Variants in CDCA8 observed in about 807,000 individuals in gnomAD.
CDCA8 encodes the protein borealin.
CDCA8 carries 25 observed loss-of-function variants against 40.0 expected under a neutral mutation model. The observed-to-expected ratio is 0.63, with a 90% confidence interval of 0.46 to 0.87. CDCA8 has a LOEUF of 0.87. CDCA8 is among the 40% of genes least tolerant of loss of function. CDCA8 has a pLI of 0.00. For missense variants in CDCA8, 280 were observed against 348.4 expected, an observed-to-expected ratio of 0.80 and a Z score of 1.56; for synonymous variants, 111 against 126.5, an observed-to-expected ratio of 0.88 and a Z score of 0.82.
chr1:37,700,248 A>G (rs934479794), intron 4 of CDCA8, among the ~76,000 whole-genome samples, 188 bp from the exon 5 acceptor site: 6 of 152,202 alleles, frequency 3.9e-5, no homozygotes, highest in African/African-American at 1.4e-4. Context: ...AAAGCATCAT[A>G]TGGGGTCTCT....
rs1247596069 is a variant in CDCA8 at position 37,700,480 on chromosome 1, G to A, written c.382G>A (p.Glu128Lys). The change falls in exon 5 of 10, where the codon GAA (glutamate) becomes AAA (lysine). Residue 128 changes from glutamate (E) to lysine (K), a missense_variant. By Grantham distance (56) the Glu-to-Lys change is moderately conservative. Transcript: ENST00000373055. ...QVDEMIVEEE[E>K]EEENERKNLQ... ...AGATGAAATGATAGTGGAAGAGGAA[G>A]AAGAAGAAGAAAATGAACGTAAGAA... 1 of 1,611,606 alleles carries A rather than the reference G, an allele frequency of 6.2e-7. No individual in the cohort carries two copies. Among genetic ancestry groups the A allele is most frequent in the East Asian group, 2.2e-5 (1 of 44,864 alleles).
At chr1:37,693,416 TCTCA>T (rs1303423020) in intron 2 of CDCA8, among the ~76,000 whole-genome samples, 2 of 152,066 alleles carry the variant, frequency 1.3e-5, no homozygotes. Flanking sequence ...TTAAACAGAG[TCTCA>T]CTCTGTCACC....
chr1:37,708,520 A>G lies in CDCA8; in HGVS notation c.*154A>G, dbSNP rs1486561838. On this transcript the variant is annotated 3_prime_UTR_variant, in exon 10 of 10. Coordinates refer to ENST00000373055, the MANE Select transcript of CDCA8 (RefSeq NM_001256875.2). Reference sequence around the variant, plus strand: ...AGGAATTCAGACGTGCTAGTCCCACACCAGTTAGGTAGAGCTGTCTGTTCA... The same window carrying G: ...AGGAATTCAGACGTGCTAGTCCCACGCCAGTTAGGTAGAGCTGTCTGTTCA... The G allele has an allele frequency of 4.3e-6, 3 of 691,258 alleles. No individual in the cohort carries two copies. The highest frequency in any genetic ancestry group is 4.4e-5 in the Admixed American group (2 of 45,670). The allele number at this position is 691,258 out of a possible 1,614,324, so 42.8% of individuals were successfully genotyped here. A position where few individuals can be genotyped will look rare whatever the true frequency, so the allele number is the denominator to read the frequency against.
At chr1:37,705,264 G>T (rs1225827665) in intron 7 of CDCA8, among the ~76,000 whole-genome samples, 177 bp from the exon 8 acceptor site, 1 of 152,126 alleles carries the variant, frequency 6.6e-6, no homozygotes. Flanking sequence ...TCTTTCTCCA[G>T]CTGTGTTTAG....
chr1:37,706,883 C>T, intron 8 of CDCA8, 95 bp from the exon 9 acceptor site: 1 of 879,676 alleles, frequency 1.1e-6, no homozygotes, highest in Non-Finnish European at 1.9e-6. Context: ...TCCATCCCAG[C>T]CATTCCCCAC....
chr1:37,706,139 ACT>A (rs1171646827), intron 8 of CDCA8, among the ~76,000 whole-genome samples: 1 of 96,816 alleles, frequency 1.0e-5, no homozygotes, highest in East Asian at 2.8e-4. Context: ...ATGGAGTCTC[ACT>A]CTGTCGCCCA....
intron 4 of CDCA8, among the ~76,000 whole-genome samples, 163 bp downstream of exon 4, chr1:37,699,140 A>G (rs1168256003): frequency 6.6e-6 from 1 of 152,008 alleles, no homozygotes; most frequent in Admixed American, 6.6e-5. Context: ...CATTTAGTTA[A>G]TTTTTTTTCC....
At chr1:37,704,047 G>C (rs973503013) in intron 7 of CDCA8, among the ~76,000 whole-genome samples, 3 of 151,872 alleles carry the variant, frequency 2.0e-5, no homozygotes, top group Non-Finnish European at 4.4e-5. Flanking sequence ...TTGACTTCCC[G>C]GGCTCAAGTG....
rs760753140 is a variant in CDCA8 at position 37,705,583 on chromosome 1, G to A, written c.711+16G>A. 2.5e-6 allele frequency: 4 copies of A among 1,611,886 alleles called. No individual in the cohort carries two copies. The highest frequency in any genetic ancestry group is 2.2e-5 in the East Asian group (1 of 44,870). Reference sequence around the variant, plus strand: ...CGGCGGAGAGGTGAAGTATTTCCAAGGGAAGCCAGGCCACAGTGTGCTGCT... The same window carrying A: ...CGGCGGAGAGGTGAAGTATTTCCAAAGGAAGCCAGGCCACAGTGTGCTGCT... On this transcript the variant is annotated intron_variant, in intron 8 of 9. Coordinates refer to ENST00000373055, the MANE Select transcript of CDCA8 (RefSeq NM_001256875.2).
intron 6 of CDCA8, among the ~76,000 whole-genome samples, chr1:37,702,149 T>C (rs2148288932): frequency 6.6e-6 from 1 of 151,360 alleles, no homozygotes; most frequent in Admixed American, 6.6e-5. Context: ...CAAATGATTC[T>C]CCTGCCTCAG....
chr1:37,694,282 T>A (rs544016272), intron 2 of CDCA8, among the ~76,000 whole-genome samples: 8 of 152,364 alleles, frequency 5.3e-5, no homozygotes, highest in Admixed American at 3.9e-4. Context: ...TTATTAACTA[T>A]CCAGCATGTA....
At position 37,695,018 on chromosome 1, in the gene CDCA8, T is replaced by C. The variant is rs946353231; in HGVS notation, c.224-892T>C. Reference sequence around the variant, plus strand: ...GAGTAGTTATTGGGTATAATGAGGGTGAGCAACTAACTCTACACTTTGCAG... The same window carrying C: ...GAGTAGTTATTGGGTATAATGAGGGCGAGCAACTAACTCTACACTTTGCAG... On this transcript the variant is annotated intron_variant, in intron 2 of 9. Coordinates refer to ENST00000373055, the MANE Select transcript of CDCA8 (RefSeq NM_001256875.2). 3.9e-5 allele frequency among the ~76,000 whole-genome samples: 6 copies of C among 152,030 alleles called. No individual in the cohort carries two copies. In the South Asian group the frequency reaches 1.2e-3, roughly 32 times the overall value.
Position 37,708,510 on chromosome 1 carries a change from C to T in CDCA8, c.*144C>T. 1 of 766,704 alleles carries T rather than the reference C, an allele frequency of 1.3e-6. No homozygotes were observed. The highest frequency in any genetic ancestry group is 2.3e-6 in the Non-Finnish European group (1 of 442,868). The allele number at this position is 766,704 out of a possible 1,614,324, so 47.5% of individuals were successfully genotyped here. On this transcript the variant is annotated 3_prime_UTR_variant, in exon 10 of 10. Coordinates refer to ENST00000373055, the MANE Select transcript of CDCA8 (RefSeq NM_001256875.2). The stretch of plus-strand genomic sequence containing the variant: ...AAGGGAATTCAGGAATTCAGACGTG[C>T]TAGTCCCACACCAGTTAGGTAGAGC...
Position 37,703,293 on chromosome 1 carries a change from T to G in CDCA8, c.530T>G (p.Leu177Trp), listed in dbSNP as rs140856315. Residue 177 changes from leucine (L) to tryptophan (W), a missense_variant, in exon 7 of 10, where the codon TTG becomes TGG. Transcript: ENST00000373055. ...ANTVTPAVGRLEVSMVKPTPG... is the reference protein window; with the variant it reads ...ANTVTPAVGRWEVSMVKPTPG... ...ACTGTTACCCCAGCCGTGGGCCGAT[T>G]GGAGGTGTCCATGGTCAAACCAACT... 2.8e-4 allele frequency: 448 copies of G among 1,613,956 alleles called. 1 individual carries two copies. The highest frequency in any genetic ancestry group is 3.6e-4 in the Non-Finnish European group (425 of 1,180,020).
intron 7 of CDCA8, among the ~76,000 whole-genome samples, chr1:37,704,990 G>GT (rs1180545907): frequency 3.9e-5 from 6 of 152,150 alleles, no homozygotes; most frequent in African/African-American, 1.4e-4. Context: ...ACATGAATAT[G>GT]TAACAAAAGG....
intron 7 of CDCA8, among the ~76,000 whole-genome samples, chr1:37,705,007 G>A (rs1472724925): frequency 6.6e-6 from 1 of 152,118 alleles, no homozygotes; most frequent in East Asian, 1.9e-4. Context: ...AAGGCATTTA[G>A]GGAAAACTAG....
chr1:37,701,970 G>A, intron 6 of CDCA8, 152 bp downstream of exon 6: 1 of 598,902 alleles, frequency 1.7e-6, no homozygotes, highest in South Asian at 2.3e-5. Flanking sequence ...AGCTGGAGGG[G>A]TCTCTAGAAA....
chr1:37,707,124 T>C (rs1569583870), intron 9 of CDCA8, 60 bp downstream of exon 9: 1 of 1,228,872 alleles, frequency 8.1e-7, no homozygotes, highest in East Asian at 2.3e-5. Flanking sequence ...TGGGCTACCT[T>C]TATTTAGGAT....
rs1645518611 is a variant in CDCA8 at position 37,695,309 on chromosome 1, C to T, written c.224-601C>T. On this transcript the variant is annotated intron_variant, in intron 2 of 9. Coordinates refer to ENST00000373055, the MANE Select transcript of CDCA8 (RefSeq NM_001256875.2). ...TTGGGAGGCCAAGGCAGGAGTATCA[C>T]TTGACCCCAGGAGTTCAAAACCAGC... is the stretch of plus-strand genomic sequence containing the variant. Among the ~76,000 whole-genome samples the T allele has an allele frequency of 2.8e-5, 4 of 142,894 alleles. No homozygotes were observed. The South Asian group carries it at 9.3e-4, about 33-fold the overall frequency. 93.7% of individuals were successfully genotyped at this position (142,894 alleles called of 152,430 possible). A position where few individuals can be genotyped will look rare whatever the true frequency, so the allele number is the denominator to read the frequency against.
Sources: allele counts gnomAD v4.1 joint callset (sites outside exome capture counted in the v4.1 genomes callset), GRCh38; gene constraint gnomAD v4.1.1; transcripts MANE v1.5; gene names NCBI Gene and HGNC (gene_info 2026-07-23, HGNC 2026-07-21).